The following MTX1 variants were observed in gnomAD, a reference collection of about 807,000 sequenced individuals.
MTX1 encodes the protein metaxin-1.
MTX1 carries 20 observed loss-of-function variants against 39.4 expected under a neutral mutation model. The ratio of observed to expected loss-of-function variants is 0.51; its 90% CI spans 0.36 to 0.74. The LOEUF is 0.74. Among genes scored for constraint, MTX1 ranks in the 30% least tolerant of loss-of-function variants. The pLI, the probability that MTX1 is intolerant of heterozygous loss-of-function variation, is 0.00. For synonymous variants in MTX1, 209 were observed against 198.6 expected, an observed-to-expected ratio of 1.05 and a Z score of -0.44; for missense variants, 481 against 485.9, an observed-to-expected ratio of 0.99 and a Z score of 0.10.
chr1:155,212,604 C>T (rs762848751), intron 5 of MTX1, 37 bp downstream of exon 5: 36 of 1,604,110 alleles, frequency 2.2e-5, no homozygotes, highest in Non-Finnish European at 3.0e-5. Context: ...ATGAGATGAG[C>T]CCCAAGGATG....
intron 6 of MTX1, 126 bp downstream of exon 6, chr1:155,212,896 A>C: frequency 6.9e-7 from 1 of 1,457,112 alleles, no homozygotes; most frequent in East Asian, 2.8e-5. Context: ...TGGGATAGAA[A>C]CTGGCCCTAG....
chr1:155,210,089 G>T (rs759367759), intron 1 of MTX1, among the ~76,000 whole-genome samples: 8 of 152,222 alleles, frequency 5.3e-5, no homozygotes, highest in Non-Finnish European at 1.2e-4. Flanking sequence ...ATGTTCACCA[G>T]GTAGATGGCA....
At position 155,209,216 on chromosome 1, in the gene MTX1, C is replaced by A; in HGVS notation, c.412C>A (p.His138Asn). 1 of 1,458,172 alleles carries A rather than the reference C, an allele frequency of 6.9e-7. No homozygotes were observed. Among genetic ancestry groups the A allele is most frequent in the Non-Finnish European group, 9.1e-7 (1 of 1,101,970 alleles). 90.3% of individuals were successfully genotyped at this position (1,458,172 alleles called of 1,614,324 possible). A position where few individuals can be genotyped will look rare whatever the true frequency, so the allele number is the denominator to read the frequency against. Reference sequence around the variant, plus strand: ...GCCCAGGCAGGGGAGGGCAGAAGCACACAAGGAAGTGTTTCCGGGACAGAG... The same window carrying A: ...GCCCAGGCAGGGGAGGGCAGAAGCAAACAAGGAAGTGTTTCCGGGACAGAG... ...GGPRQGRAEA[H>N]KEVFPGQRVG... Residue 138 changes from histidine to asparagine, a missense_variant, in exon 1 of 8, where the codon CAC (histidine) becomes AAC (asparagine). By Grantham distance (68) the His-to-Asn change is moderately conservative. Around this residue, in one of 2 missense-constraint regions of MTX1, gnomAD observed 368 missense variants for 332.8 expected, o/e 1.11. Coordinates refer to ENST00000368376, the MANE Select transcript of MTX1 (RefSeq NM_002455.5).
In MTX1 at chr1:155,210,363, T is replaced by G; in HGVS notation, c.546T>G (p.Thr182=). 6.2e-7 allele frequency: 1 copy of G among 1,614,254 alleles called. No individual in the cohort carries two copies. The highest frequency in any genetic ancestry group is 1.1e-5 in the South Asian group (1 of 91,090). Residue 182 remains threonine, a synonymous_variant, in exon 2 of 8, where the codon ACT becomes ACG. Transcript: ENST00000368376. The part of the protein sequence containing the change: ...SLAVLTYARF[T]GAPLKVHKIS... ...CCCTGCAGACCTATGCCAGATTTACTGGTGCTCCACTGAAGGTACACAAGA... is the reference window on the plus strand; with the variant it reads ...CCCTGCAGACCTATGCCAGATTTACGGGTGCTCCACTGAAGGTACACAAGA...
Position 155,208,880 on chromosome 1 carries a change from G to T in MTX1, c.76G>T (p.Val26Leu), listed in dbSNP as rs778777390. ...GGGGCCCTGGAGCAGTACAGGCCAC[G>T]TGCAGTTTGGCAAGAGCCCCCAGAC... is the stretch of plus-strand genomic sequence containing the variant. Reference protein sequence around the residue: ...PKGPWSSTGHVQFGKSPQTWP... With the variant: ...PKGPWSSTGHLQFGKSPQTWP... Residue 26 changes from valine (V) to leucine (L), a missense_variant, in exon 1 of 8, where the codon GTG (valine) becomes TTG (leucine). Physicochemically the swap from Val to Leu is conservative, Grantham distance 32 (BLOSUM62 1). Around this residue, in one of 2 missense-constraint regions of MTX1, gnomAD observed 368 missense variants for 332.8 expected, o/e 1.11. Transcript: ENST00000368376. 6.2e-7 allele frequency: 1 copy of T among 1,611,688 alleles called. No homozygotes were observed. The highest frequency in any genetic ancestry group is 8.5e-7 in the Non-Finnish European group (1 of 1,179,592).
At position 155,209,092 on chromosome 1, in the gene MTX1, C is replaced by T. The variant is rs1452481731; in HGVS notation, c.288C>T (p.Arg96=). ...CCGAGGCCCGCGGCCCAGTCCCCCGCAGTTCAGCTGCCAGTCGGGCCAGAA... is the reference window on the plus strand; with the variant it reads ...CCGAGGCCCGCGGCCCAGTCCCCCGTAGTTCAGCTGCCAGTCGGGCCAGAA... ...PSPEARGPVP[R]SSAASRARRS... is the part of the protein sequence containing the mutation. Residue 96 remains arginine, a synonymous_variant, in exon 1 of 8, where the codon CGC becomes CGT. Transcript: ENST00000368376. The T allele has an allele frequency of 7.1e-6, 11 of 1,542,500 alleles. No individual in the cohort carries two copies. Among genetic ancestry groups the T allele is most frequent in the African/African-American group, 6.9e-5 (5 of 72,654 alleles).
chr1:155,208,722 C>T lies in MTX1; in HGVS notation c.-83C>T. Reference sequence around the variant, plus strand: ...CCAAGCCCCAGCCCGGCCTCCGCTCCGGCCGCCGCCACCGCCCCTGTTTTG... The same window carrying T: ...CCAAGCCCCAGCCCGGCCTCCGCTCTGGCCGCCGCCACCGCCCCTGTTTTG... On this transcript the variant is annotated 5_prime_UTR_variant, in exon 1 of 8. Coordinates refer to ENST00000368376, the MANE Select transcript of MTX1 (RefSeq NM_002455.5). 3 of 1,381,184 alleles carry T rather than the reference C, an allele frequency of 2.2e-6. No homozygotes were observed. Among genetic ancestry groups the T allele is most frequent in the Non-Finnish European group, 2.8e-6 (3 of 1,055,562 alleles). 85.6% of individuals were successfully genotyped at this position (1,381,184 alleles called of 1,614,324 possible). A position where few individuals can be genotyped will look rare whatever the true frequency, so the allele number is the denominator to read the frequency against.
In MTX1 at chr1:155,208,764, C is replaced by A. The variant is rs763532919; in HGVS notation, c.-41C>A. ...CCTGTTTTGTTTCCATGGCGACAGGCGGCGCAGGGCCCGCTCCAAACATAA... is the reference window on the plus strand; with the variant it reads ...CCTGTTTTGTTTCCATGGCGACAGGAGGCGCAGGGCCCGCTCCAAACATAA... On this transcript the variant is annotated 5_prime_UTR_variant, in exon 1 of 8. Coordinates refer to ENST00000368376, the MANE Select transcript of MTX1 (RefSeq NM_002455.5). 1.4e-6 allele frequency: 2 copies of A among 1,429,454 alleles called. No homozygotes were observed. Among genetic ancestry groups the A allele is most frequent in the Admixed American group, 2.6e-5 (1 of 38,502 alleles). The allele number at this position is 1,429,454 out of a possible 1,614,324, so 88.5% of individuals were successfully genotyped here.
intron 6 of MTX1, 106 bp downstream of exon 6, chr1:155,212,876 A>G: frequency 7.3e-7 from 1 of 1,376,998 alleles, no homozygotes; most frequent in Non-Finnish European, 9.6e-7. Context: ...GGCTCTGGAT[A>G]GGAGGTCCCT....
Position 155,208,713 on chromosome 1 carries a change from C to CCG in MTX1, c.-91_-90insGC. The CCG allele has an allele frequency of 1.4e-6, 1 of 701,944 alleles. No individual in the cohort carries two copies. Among genetic ancestry groups the CCG allele is most frequent in the Non-Finnish European group, 2.1e-6 (1 of 471,808 alleles). The allele number at this position is 701,944 out of a possible 1,614,324, so 43.5% of individuals were successfully genotyped here. A position where few individuals can be genotyped will look rare whatever the true frequency, so the allele number is the denominator to read the frequency against. The stretch of plus-strand genomic sequence containing the variant: ...CTCCCCCACCCAAGCCCCAGCCCGG[C>CCG]CTCCGCTCCGGCCGCCGCCACCGCC... On this transcript the variant is annotated 5_prime_UTR_variant, in exon 1 of 8. Transcript: ENST00000368376.
intron 3 of MTX1, chr1:155,211,208 C>T (rs1412376679): frequency 6.5e-6 from 1 of 153,540 alleles, no homozygotes; most frequent in Middle Eastern, 3.4e-3. Flanking sequence ...AGAAGTAGGA[C>T]ACTCTTCCTC....
At chr1:155,210,655 C>T in intron 3 of MTX1, 28 bp downstream of exon 3, 1 of 1,593,584 alleles carries the variant, frequency 6.3e-7, no homozygotes. Flanking sequence ...AGGGGGCTGC[C>T]AGTGAGAGAA....
rs199762376 is a variant in MTX1, at chr1:155,212,155, C to T, written c.707C>T (p.Ala236Val). The T allele has an allele frequency of 1.9e-6, 3 of 1,611,486 alleles. No homozygotes were observed. Among genetic ancestry groups the T allele is most frequent in the South Asian group, 2.2e-5 (2 of 90,724 alleles). The part of the protein sequence containing the change: ...EKYNADYDLS[A>V]RQGADTLAFM... Reference sequence around the variant, plus strand: ...TACAATGCTGATTATGATCTGTCAGCTCGGCAAGGGGCAGACACCCTGGCC... The same window carrying T: ...TACAATGCTGATTATGATCTGTCAGTTCGGCAAGGGGCAGACACCCTGGCC... The change falls in exon 4 of 8, where the codon GCT (alanine) becomes GTT (valine). Residue 236 changes from alanine to valine, a missense_variant. Ala to Val is a moderately conservative substitution (Grantham distance 64). This residue lies in a region of MTX1 where 368 missense variants were observed against 332.8 expected (regional missense o/e 1.11). Coordinates refer to ENST00000368376, the MANE Select transcript of MTX1 (RefSeq NM_002455.5).
At position 155,209,204 on chromosome 1, in the gene MTX1, A is replaced by G; in HGVS notation, c.400A>G (p.Arg134Gly). ...GGCGGGGGGCGGGCCCAGGCAGGGG[A>G]GGGCAGAAGCACACAAGGAAGTGTT... ...AVAGGGPRQG[R>G]AEAHKEVFPG... Residue 134 changes from arginine to glycine, a missense_variant, in exon 1 of 8, where the codon AGG becomes GGG. Arg to Gly is a moderately radical substitution (Grantham distance 125). Transcript: ENST00000368376. 1 of 1,463,556 alleles carries G rather than the reference A, an allele frequency of 6.8e-7. No individual in the cohort carries two copies. The highest frequency in any genetic ancestry group is 9.0e-7 in the Non-Finnish European group (1 of 1,105,416). The allele number at this position is 1,463,556 out of a possible 1,614,324, so 90.7% of individuals were successfully genotyped here. A position where few individuals can be genotyped will look rare whatever the true frequency, so the allele number is the denominator to read the frequency against.
Position 155,210,394 on chromosome 1 carries a change from A to C in MTX1, c.577A>C (p.Asn193His). The C allele has an allele frequency of 6.2e-7, 1 of 1,614,222 alleles. No individual in the cohort carries two copies. Among genetic ancestry groups the C allele is most frequent in the Non-Finnish European group, 8.5e-7 (1 of 1,180,018 alleles). The stretch of plus-strand genomic sequence containing the variant: ...TCCACTGAAGGTACACAAGATCAGC[A>C]ACCCCTGGCAGAGCCCTTCAGGTAC... Reference protein sequence around the residue: ...GAPLKVHKISNPWQSPSGTLP... With the variant: ...GAPLKVHKISHPWQSPSGTLP... Residue 193 changes from asparagine (N) to histidine (H), a missense_variant, in exon 2 of 8, where the codon AAC becomes CAC. Around this residue, in one of 2 missense-constraint regions of MTX1, gnomAD observed 368 missense variants for 332.8 expected, o/e 1.11. Transcript: ENST00000368376.
Position 155,209,106 on chromosome 1 carries a change from G to C in MTX1, c.302G>C (p.Ser101Thr). The stretch of plus-strand genomic sequence containing the variant: ...CCAGTCCCCCGCAGTTCAGCTGCCA[G>C]TCGGGCCAGAAGAAGCCTCGCCTCC... ...RGPVPRSSAA[S>T]RARRSLASPG... The change falls in exon 1 of 8, where the codon AGT becomes ACT. Residue 101 changes from serine (S) to threonine (T), a missense_variant. Transcript: ENST00000368376. The C allele has an allele frequency of 6.5e-7, 1 of 1,543,438 alleles. No homozygotes were observed. Among genetic ancestry groups the C allele is most frequent in the Non-Finnish European group, 8.7e-7 (1 of 1,143,768 alleles).
At chr1:155,210,494 A>G in intron 2 of MTX1, 54 bp from the exon 3 acceptor site, 2 of 1,606,364 alleles carry the variant, frequency 1.2e-6, no homozygotes, top group South Asian at 2.2e-5. Context: ...TGTTGCAACT[A>G]TGTATGACTA....
At position 155,212,916 on chromosome 1, in the gene MTX1, G is replaced by T; in HGVS notation, c.1031+146G>T. On this transcript the variant is annotated intron_variant, in intron 6 of 7. Transcript: ENST00000368376. ...TAGAAACTGGCCCTAGTGACAGTGTGACTGTGTGGGGGCCAGAGCCTTCTC... is the reference window on the plus strand; with the variant it reads ...TAGAAACTGGCCCTAGTGACAGTGTTACTGTGTGGGGGCCAGAGCCTTCTC... 2.3e-6 allele frequency: 3 copies of T among 1,327,050 alleles called. No individual in the cohort carries two copies. In the South Asian group the frequency reaches 4.2e-5, roughly 19 times the overall value. The allele number at this position is 1,327,050 out of a possible 1,614,324, so 82.2% of individuals were successfully genotyped here.
At chr1:155,211,041 T>C (rs1283217479) in intron 3 of MTX1, 3 of 230,684 alleles carry the variant, frequency 1.3e-5, no homozygotes, top group African/African-American at 2.3e-5. Flanking sequence ...GCCTAGGCTA[T>C]GCTCTTTACT....
Sources: gnomAD v4.1 joint callset for allele counts (sites outside exome capture counted in the v4.1 genomes callset) on GRCh38, gnomAD v4.1.1 for gene constraint, gnomAD v4.1.1 regional missense constraint, MANE v1.5 for transcripts, NCBI Gene and HGNC (gene_info 2026-07-23, HGNC 2026-07-21) for gene names.